ZCCHC2: variants seen among roughly 807,000 people sequenced by gnomAD.
The protein encoded by ZCCHC2 is zinc finger CCHC-type containing 2.
A neutral mutation model predicts 103.6 loss-of-function variants in ZCCHC2; 39 were observed. The observed-to-expected ratio is 0.38, with a 90% CI of 0.29 to 0.49. ZCCHC2 has a LOEUF of 0.49. Among genes scored for constraint, ZCCHC2 ranks in the 20% least tolerant of loss-of-function variants. The pLI is 0.96. For missense variants in ZCCHC2, 1,483 were observed against 1,491.0 expected (o/e 0.99, Z 0.09); for synonymous variants, 687 against 608.9 (o/e 1.13, Z -1.89).
intron 7 of ZCCHC2, among the ~76,000 whole-genome samples, chr18:62,560,076 G>C (rs1291856464): frequency 2.0e-5 from 3 of 152,186 alleles, no homozygotes; most frequent in African/African-American, 7.2e-5. Context: ...GTTAAAACTT[G>C]CACTAGAATG....
At chr18:62,584,348 C>T (rs1454601442) in intron 14 of ZCCHC2, 1 of 152,222 alleles carries the variant, frequency 6.6e-6, no homozygotes, top group East Asian at 1.9e-4. Flanking sequence ...AGCTCTCAAT[C>T]CCATGATCCG....
intron 1 of ZCCHC2, among the ~76,000 whole-genome samples, chr18:62,537,263 T>C (rs1914969617): frequency 1.3e-5 from 2 of 152,116 alleles, no homozygotes. Context: ...ACTGCAGCCT[T>C]GAACTCCTGG....
intron 12 of ZCCHC2, among the ~76,000 whole-genome samples, chr18:62,570,965 AG>A (rs1916575309): frequency 6.6e-6 from 1 of 152,202 alleles, no homozygotes; most frequent in South Asian, 2.1e-4. Flanking sequence ...TGCCTTGGAA[AG>A]GTATGTAACT....
chr18:62,560,714 T>C, intron 8 of ZCCHC2, 70 bp downstream of exon 8: 1 of 1,075,228 alleles, frequency 9.3e-7, no homozygotes, highest in South Asian at 1.5e-5. Flanking sequence ...TTTAATTAAA[T>C]TTCTGATGTA....
At chr18:62,562,409 T>C (rs1916159585) in intron 8 of ZCCHC2, among the ~76,000 whole-genome samples, 1 of 152,196 alleles carries the variant, frequency 6.6e-6, no homozygotes, top group Non-Finnish European at 1.5e-5. Context: ...CTTCATCTGT[T>C]TCCCCTTCAC....
At chr18:62,569,949 G>A (rs1251558864) in intron 11 of ZCCHC2, among the ~76,000 whole-genome samples, 154 bp from the exon 12 acceptor site, 2 of 152,152 alleles carry the variant, frequency 1.3e-5, no homozygotes, top group Non-Finnish European at 2.9e-5. Flanking sequence ...TATTAGAATT[G>A]TAATTTAATC....
At position 62,577,717 on chromosome 18, in the gene ZCCHC2, G is replaced by A. The variant is rs983588888; in HGVS notation, c.*1138G>A. 6.6e-6 allele frequency: 1 copy of A among 151,766 alleles called. No homozygotes were observed. The highest frequency in any genetic ancestry group is 1.5e-5 in the Non-Finnish European group (1 of 67,964). The allele number at this position is 151,766 out of a possible 1,614,324, so 9.4% of individuals were successfully genotyped here. On this transcript the variant is annotated 3_prime_UTR_variant, in exon 14 of 14. Transcript: ENST00000269499. The stretch of plus-strand genomic sequence containing the variant: ...GTGTTAAGATGGTATTAATCATGTC[G>A]GTGTCATGTCACTAAGTTTAATGCT...
intron 9 of ZCCHC2, 104 bp downstream of exon 9, chr18:62,563,248 G>A (rs2145521955): frequency 1.5e-6 from 2 of 1,348,244 alleles, no homozygotes; most frequent in East Asian, 4.7e-5. Flanking sequence ...TATCTGGTAA[G>A]AAATGAAGGA....
At chr18:62,529,972 T>G (rs536169349) in intron 1 of ZCCHC2, among the ~76,000 whole-genome samples, 100 of 152,354 alleles carry the variant, frequency 6.6e-4, no homozygotes, top group African/African-American at 2.2e-3. Flanking sequence ...CTATGTTGTG[T>G]TAGATATAAG....
rs181184205 is a variant in ZCCHC2, at chr18:62,574,127, C to G, written c.2046C>G (p.Asn682Lys). 1.8e-4 allele frequency: 298 copies of G among 1,613,994 alleles called. 1 individual carries two copies. The African/African-American group carries it at 3.7e-3, about 20-fold the overall frequency. Residue 682 changes from asparagine to lysine, a missense_variant, in exon 13 of 14, where the codon AAC (asparagine) becomes AAG (lysine). Physicochemically the swap from Asn to Lys is moderately conservative, Grantham distance 94. Around this residue, in one of 3 missense-constraint regions of ZCCHC2, gnomAD observed 884 missense variants for 907.5 expected, o/e 0.97. Transcript: ENST00000269499. The part of the protein sequence containing the change: ...TTRFTGYGSV[N>K]QTVTVKPPVQ... ...GGTTTACAGGTTACGGTTCTGTCAA[C>G]CAGACTGTCACTGTCAAGCCACCTG... is the stretch of plus-strand genomic sequence containing the variant.
chr18:62,569,933 A>C (rs1045848113), intron 11 of ZCCHC2, among the ~76,000 whole-genome samples, 170 bp from the exon 12 acceptor site: 1 of 152,158 alleles, frequency 6.6e-6, no homozygotes, highest in African/African-American at 2.4e-5. Context: ...TTTATTAAGT[A>C]TTTTCTATTA....
intron 1 of ZCCHC2, among the ~76,000 whole-genome samples, chr18:62,535,251 G>A (rs1196837509): frequency 6.6e-6 from 1 of 152,232 alleles, no homozygotes; most frequent in East Asian, 1.9e-4. Flanking sequence ...GGGACTTAAA[G>A]ATGTGGGGGC....
chr18:62,545,485 A>C (rs932340374), intron 4 of ZCCHC2, among the ~76,000 whole-genome samples: 1 of 152,196 alleles, frequency 6.6e-6, no homozygotes, highest in Non-Finnish European at 1.5e-5. Context: ...TGGGAATAAG[A>C]AGATAATAGA....
At chr18:62,570,508 A>C (rs1916554221) in intron 12 of ZCCHC2, among the ~76,000 whole-genome samples, 1 of 152,232 alleles carries the variant, frequency 6.6e-6, no homozygotes, top group African/African-American at 2.4e-5. Context: ...TGTAGAAAGA[A>C]GGAAAATGTG....
chr18:62,562,695 G>A (rs2145521256), intron 8 of ZCCHC2, among the ~76,000 whole-genome samples: 2 of 152,260 alleles, frequency 1.3e-5, no homozygotes, highest in South Asian at 4.1e-4. Context: ...GCTCATGACA[G>A]CAGTGCTCTC....
intron 5 of ZCCHC2, 133 bp from the exon 6 acceptor site, chr18:62,556,070 T>TG: frequency 1.5e-6 from 1 of 657,166 alleles, no homozygotes; most frequent in Non-Finnish European, 2.5e-6. Context: ...AAAATAATAT[T>TG]CTTTTCTATA....
chr18:62,568,531 C>T (rs952993786), intron 11 of ZCCHC2, among the ~76,000 whole-genome samples: 16 of 152,138 alleles, frequency 1.1e-4, no homozygotes, highest in African/African-American at 2.4e-4. Flanking sequence ...TATGGCAATT[C>T]GTGATTAGAA....
intron 11 of ZCCHC2, among the ~76,000 whole-genome samples, chr18:62,565,919 G>T (rs143628937): frequency 0.01 from 1,564 of 152,190 alleles, 29 homozygotes; most frequent in African/African-American, 0.035. Context: ...ACTGAATAGT[G>T]ATGAAGAAAA....
intron 5 of ZCCHC2, chr18:62,552,586 T>C (rs534253772): frequency 6.6e-6 from 1 of 152,240 alleles, no homozygotes; most frequent in Non-Finnish European, 1.5e-5. Context: ...AAAAAATGGC[T>C]CTCAGCTAGG....
Sources: gnomAD v4.1 joint callset for allele counts (sites outside exome capture counted in the v4.1 genomes callset) on GRCh38, gnomAD v4.1.1 for gene constraint, gnomAD v4.1.1 regional missense constraint, MANE v1.5 for transcripts, NCBI Gene and HGNC (gene_info 2026-07-23, HGNC 2026-07-21) for gene names.